The following ADPGK variants were observed in gnomAD, a reference collection of about 807,000 sequenced individuals.
ADPGK encodes the protein ADP-dependent glucokinase.
In ADPGK, 26 loss-of-function variants were observed where a neutral mutation model predicts 42.4. The observed-to-expected ratio is 0.61, with a 90% CI of 0.45 to 0.85. ADPGK has a LOEUF of 0.85. Ranked by LOEUF, ADPGK falls within the 40% of genes least tolerant of loss-of-function variation. ADPGK has a pLI of 0.00. For missense variants in ADPGK, 571 were observed against 627.0 expected (o/e 0.91, Z 0.95); for synonymous variants, 267 against 252.6 (o/e 1.06, Z -0.54).
intron 6 of ADPGK, among the ~76,000 whole-genome samples, chr15:72,754,326 G>A (rs1380378822): frequency 2.0e-5 from 3 of 152,120 alleles, no homozygotes; most frequent in South Asian, 2.1e-4. Context: ...CGCTGATGAC[G>A]AGGGATGACT....
chr15:72,776,374 C>G (rs1186229989), intron 1 of ADPGK, among the ~76,000 whole-genome samples: 1 of 152,182 alleles, frequency 6.6e-6, no homozygotes, highest in Non-Finnish European at 1.5e-5. Flanking sequence ...ACCACACAGG[C>G]AGCTCCCAGC....
chr15:72,771,885 C>T (rs1208791303), intron 2 of ADPGK, 40 bp from the exon 3 acceptor site: 11 of 1,454,850 alleles, frequency 7.6e-6, no homozygotes, highest in Non-Finnish European at 9.3e-6. Context: ...TATTTTAATA[C>T]AACTATATCA....
At chr15:72,778,107 G>A (rs947798463) in intron 1 of ADPGK, among the ~76,000 whole-genome samples, 1 of 151,914 alleles carries the variant, frequency 6.6e-6, no homozygotes, top group African/African-American at 2.4e-5. Context: ...AAATTACCTG[G>A]GTGTGGTGGT....
At chr15:72,765,546 G>C (rs191282113) in intron 3 of ADPGK, among the ~76,000 whole-genome samples, 1 of 152,340 alleles carries the variant, frequency 6.6e-6, no homozygotes, top group East Asian at 1.9e-4. Context: ...AAAGTAAACT[G>C]AAAACTTCTG....
chr15:72,779,310 G>A (rs925959979), intron 1 of ADPGK, among the ~76,000 whole-genome samples: 5 of 145,148 alleles, frequency 3.4e-5, no homozygotes, highest in Non-Finnish European at 6.0e-5. Flanking sequence ...ATGCAACGGC[G>A]CGATCTCGGC....
rs749138020 is a variant in ADPGK at position 72,752,800 on chromosome 15, G to C, written c.1035C>G (p.Ser345=). The C allele has an allele frequency of 3.7e-6, 6 of 1,614,258 alleles. No homozygotes were observed. The highest frequency in any genetic ancestry group is 5.1e-6 in the Non-Finnish European group (6 of 1,180,052). The change falls in exon 7 of 7, where the codon TCC becomes TCG. Residue 345 remains serine, a synonymous_variant. Transcript: ENST00000456471. ...TGCCCACATCAGGAACACCGTTCCAGGAAGAGAGAGAAGAGTGAGGTCCAG... is the reference window on the plus strand; with the variant it reads ...TGCCCACATCAGGAACACCGTTCCACGAAGAGAGAGAAGAGTGAGGTCCAG... ...SASGPHSSLS[S]WNGVPDVGMV...
At chr15:72,773,953 T>G (rs12324295) in intron 2 of ADPGK, among the ~76,000 whole-genome samples, 1,626 of 152,320 alleles carry the variant, frequency 0.011, 33 homozygotes, top group African/African-American at 0.037. Context: ...ACTGCAGCCT[T>G]GACCTCCCGG....
rs536971519 is a variant in ADPGK at position 72,763,075 on chromosome 15, C to T, written c.523-2548G>A. On this transcript the variant is annotated intron_variant, in intron 3 of 6. Transcript: ENST00000456471. ...GTATACGGAACCTGAAAGAATTTAT[C>T]ACCAGCAGACTCGCACCACAAGCAA... 2.0e-5 allele frequency among the ~76,000 whole-genome samples: 3 copies of T among 152,302 alleles called. No individual in the cohort carries two copies. The East Asian group carries it at 5.8e-4, about 29-fold the overall frequency.
rs1021061454 is a variant in ADPGK, at chr15:72,774,913, G to T, written c.418C>A (p.His140Asn). 1 of 1,614,014 alleles carries T rather than the reference G, an allele frequency of 6.2e-7. No homozygotes were observed. Among genetic ancestry groups the T allele is most frequent in the African/African-American group, 1.3e-5 (1 of 74,918 alleles). Reference sequence around the variant, plus strand: ...TCTGATGCAACCTGGGCAATGTCGTGAAAAGTTTCCTTATCACTGAAGAAG... The same window carrying T: ...TCTGATGCAACCTGGGCAATGTCGTTAAAAGTTTCCTTATCACTGAAGAAG... ...ERFFSDKETF[H>N]DIAQVASEFP... The change falls in exon 2 of 7, where the codon CAC (histidine) becomes AAC (asparagine). Residue 140 changes from histidine to asparagine, a missense_variant. Around this residue, in one of 2 missense-constraint regions of ADPGK, gnomAD observed 434 missense variants for 522.7 expected, o/e 0.83. Transcript: ENST00000456471.
intron 3 of ADPGK, among the ~76,000 whole-genome samples, chr15:72,765,609 G>T (rs2066248714): frequency 6.6e-6 from 1 of 152,216 alleles, no homozygotes; most frequent in Admixed American, 6.5e-5. Flanking sequence ...TTTATAGGAG[G>T]AAGTCAGCAT....
At chr15:72,763,339 T>TTTTTTTTTC (rs1491481162) in intron 3 of ADPGK, among the ~76,000 whole-genome samples, 1 of 133,532 alleles carries the variant, frequency 7.5e-6, no homozygotes, top group African/African-American at 2.9e-5. Context: ...TTTTTTTTTT[T>TTTTTTTTTC]GTATTTTTAG....
rs140889276 is a variant in ADPGK, at chr15:72,773,931, C to T, written c.459+941G>A. 8.7e-4 allele frequency among the ~76,000 whole-genome samples: 132 copies of T among 152,254 alleles called. 1 individual carries two copies. Among genetic ancestry groups the T allele is most frequent in the African/African-American group, 3.0e-3 (124 of 41,550 alleles). ...TTGCCCAGACTGGAGTGAAGTGGCA[C>T]GGTCATGGTTCACTGCAGCCTTGAC... On this transcript the variant is annotated intron_variant, in intron 2 of 6. Transcript: ENST00000456471.
chr15:72,753,312 C>CA (rs1391143760), intron 6 of ADPGK, among the ~76,000 whole-genome samples: 7 of 152,130 alleles, frequency 4.6e-5, no homozygotes, highest in Non-Finnish European at 1.0e-4. Context: ...AACATACTGT[C>CA]AGGGTTATAA....
chr15:72,757,452 C>T (rs1030047039), intron 4 of ADPGK: 4 of 152,390 alleles, frequency 2.6e-5, no homozygotes, highest in Non-Finnish European at 5.9e-5. Context: ...GGTGATCTGC[C>T]TGCCTTAGCC....
Position 72,783,285 on chromosome 15 carries a change from G to C in ADPGK, c.233+174C>G, listed in dbSNP as rs577688176. On this transcript the variant is annotated intron_variant, in intron 1 of 6. Coordinates refer to ENST00000456471, the MANE Select transcript of ADPGK (RefSeq NM_001365225.1). ...GGCGCAGAGGCCAGCCGAGTGGAAA[G>C]AGCAGCGGTGACGAACCGGGTTCCA... The C allele has an allele frequency of 9.4e-4, 1,182 of 1,262,304 alleles. 1 individual carries two copies. The highest frequency in any genetic ancestry group is 1.1e-3 in the Non-Finnish European group (1,105 of 1,004,568). 78.2% of individuals were successfully genotyped at this position (1,262,304 alleles called of 1,614,324 possible).
At chr15:72,769,437 C>T (rs950778546) in intron 3 of ADPGK, among the ~76,000 whole-genome samples, 39 of 152,196 alleles carry the variant, frequency 2.6e-4, no homozygotes, top group Admixed American at 6.5e-5. Flanking sequence ...CCTCCGCCTC[C>T]CGGGTTCGAG....
At chr15:72,770,937 TCA>T (rs2066321899) in intron 3 of ADPGK, among the ~76,000 whole-genome samples, 1 of 152,182 alleles carries the variant, frequency 6.6e-6, no homozygotes, top group African/African-American at 2.4e-5. Flanking sequence ...AGAAGACTGT[TCA>T]CAGTCTGTTT....
intron 4 of ADPGK, among the ~76,000 whole-genome samples, chr15:72,759,619 A>G (rs1246880011): frequency 6.6e-6 from 1 of 152,224 alleles, no homozygotes; most frequent in East Asian, 1.9e-4. Context: ...AGTTCACTGA[A>G]GAGTATTAAG....
At chr15:72,768,606 T>C (rs1055086413) in intron 3 of ADPGK, among the ~76,000 whole-genome samples, 1 of 151,758 alleles carries the variant, frequency 6.6e-6, no homozygotes, top group Non-Finnish European at 1.5e-5. Context: ...AGACGGACAT[T>C]GCAGTGAGCT....
Sources: allele counts gnomAD v4.1 joint callset (sites outside exome capture counted in the v4.1 genomes callset), GRCh38; gene constraint gnomAD v4.1.1; regional missense constraint gnomAD v4.1.1; transcripts MANE v1.5; gene names NCBI Gene and HGNC (gene_info 2026-07-23, HGNC 2026-07-21).